Variants in SDCBP2 observed in about 807,000 individuals in gnomAD.
SDCBP2 encodes syntenin-2.
A neutral mutation model predicts 30.7 loss-of-function variants in SDCBP2; 28 were observed. The observed-to-expected ratio is 0.91, with a 90% CI of 0.68 to 1.25. The LOEUF is 1.25. Among genes scored for constraint, SDCBP2 ranks in the 50% most tolerant of loss-of-function variants. SDCBP2 has a pLI of 0.00. For missense variants in SDCBP2, 399 were observed against 379.0 expected, an observed-to-expected ratio of 1.05 and a Z score of -0.44; for synonymous variants, 166 against 157.3, an observed-to-expected ratio of 1.06 and a Z score of -0.41.
chr20:1,313,774 G>T lies in SDCBP2; in HGVS notation c.226-276C>A. The T allele has an allele frequency of 1.4e-6, 1 of 725,910 alleles. No homozygotes were observed. Among genetic ancestry groups the T allele is most frequent in the Non-Finnish European group, 1.9e-6 (1 of 528,740 alleles). The allele number at this position is 725,910 out of a possible 1,614,324, so 45.0% of individuals were successfully genotyped here. A position where few individuals can be genotyped will look rare whatever the true frequency, so the allele number is the denominator to read the frequency against. On this transcript the variant is annotated intron_variant, in intron 4 of 8. Coordinates refer to ENST00000360779, the MANE Select transcript of SDCBP2 (RefSeq NM_080489.5). The surrounding 1 kb of genome is among the most constrained non-coding windows in gnomAD (Gnocchi z 5.2). The stretch of plus-strand genomic sequence containing the variant: ...GCCCTTCATTTCCCAAGGGAAACTG[G>T]CATCAGGAAAAGCCTCCTTTAAAAC...
rs551787665 is a variant in SDCBP2 at position 1,321,686 on chromosome 20, C to A, written c.-19-1251G>T. The A allele has an allele frequency of 6.6e-6, 1 of 152,284 alleles. No individual in the cohort carries two copies. Among genetic ancestry groups the A allele is most frequent in the African/African-American group, 2.4e-5 (1 of 41,446 alleles). The allele number at this position is 152,284 out of a possible 1,614,324, so 9.4% of individuals were successfully genotyped here. A position where few individuals can be genotyped will look rare whatever the true frequency, so the allele number is the denominator to read the frequency against. On this transcript the variant is annotated intron_variant, in intron 1 of 8. Transcript: ENST00000360779. The surrounding 1 kb of genome is among the most constrained non-coding windows in gnomAD (Gnocchi z 5.2). ...GTGGCTTCCCTGCCTTGGGAATGTA[C>A]TCTCCTTAAAGAGGCTCACAGGGCC... is the stretch of plus-strand genomic sequence containing the variant.
At position 1,310,285 on chromosome 20, in the gene SDCBP2, T is replaced by G; in HGVS notation, c.*156A>C. 1.4e-6 allele frequency: 1 copy of G among 696,110 alleles called. No homozygotes were observed. Among genetic ancestry groups the G allele is most frequent in the Non-Finnish European group, 2.5e-6 (1 of 405,556 alleles). The allele number at this position is 696,110 out of a possible 1,614,324, so 43.1% of individuals were successfully genotyped here. On this transcript the variant is annotated 3_prime_UTR_variant, in exon 9 of 9. Transcript: ENST00000360779. Reference sequence around the variant, plus strand: ...CTGAGGCTCCAAGGAGGCCTGTGTGTATAAGCCATCCCATGGTCACCCTCC... The same window carrying G: ...CTGAGGCTCCAAGGAGGCCTGTGTGGATAAGCCATCCCATGGTCACCCTCC...
At chr20:1,312,536 G>A in intron 6 of SDCBP2, 28 bp from the exon 7 acceptor site, 1 of 1,614,054 alleles carries the variant, frequency 6.2e-7, no homozygotes, top group Non-Finnish European at 8.5e-7. Context: ...GAGCTGTCCT[G>A]GGGACATGGC....
At position 1,320,190 on chromosome 20, in the gene SDCBP2, C is replaced by T. The variant is rs907023076; in HGVS notation, c.54+173G>A. ...TTGGTCTTTTCTATTCTTGCTGTAA[C>T]GCCATTGGCATTGCCCCCTGGATGT... On this transcript the variant is annotated intron_variant, in intron 2 of 8. Coordinates refer to ENST00000360779, the MANE Select transcript of SDCBP2 (RefSeq NM_080489.5). The surrounding 1 kb of genome is among the most constrained non-coding windows in gnomAD (Gnocchi z 4.7). Among the ~76,000 whole-genome samples the T allele has an allele frequency of 1.3e-5, 2 of 152,222 alleles. No homozygotes were observed. Among genetic ancestry groups the T allele is most frequent in the African/African-American group, 4.8e-5 (2 of 41,460 alleles).
In SDCBP2 at chr20:1,312,624, C is replaced by G; in HGVS notation, c.523G>C (p.Ala175Pro). The change falls in exon 6 of 9, where the codon GCA (alanine) becomes CCA (proline). Residue 175 changes from alanine (A) to proline (P), a missense_variant. Transcript: ENST00000360779. Reference sequence around the variant, plus strand: ...ACCACGACAATCTTATCGCCTGATGCCTTCTTCACCACCTGATGGGCTTTG... The same window carrying G: ...ACCACGACAATCTTATCGCCTGATGGCTTCTTCACCACCTGATGGGCTTTG... Reference protein sequence around the residue: ...SHKAHQVVKKASGDKIVVVVR... With the variant: ...SHKAHQVVKKPSGDKIVVVVR... 6.2e-7 allele frequency: 1 copy of G among 1,614,146 alleles called. No homozygotes were observed. Among genetic ancestry groups the G allele is most frequent in the South Asian group, 1.1e-5 (1 of 91,080 alleles).
Position 1,313,378 on chromosome 20 carries a change from GCTCGT to G in SDCBP2, c.341_345del (p.Asp114AlafsTer41), listed in dbSNP as rs2088714687. 1.2e-6 allele frequency: 2 copies of G among 1,611,220 alleles called. No homozygotes were observed. The highest frequency in any genetic ancestry group is 1.7e-6 in the Non-Finnish European group (2 of 1,179,492). On this transcript the variant is annotated frameshift_variant, in exon 5 of 9. Transcript: ENST00000360779. LOFTEE classifies it high-confidence loss of function. The surrounding 1 kb of genome is among the most constrained non-coding windows in gnomAD (Gnocchi z 5.2). ...CGCAGCCTCAGCCCGGTCTTGCCGC[GCTCGT>G]CCTTGCACAGGTGGATCTCGCGCAC...
chr20:1,312,491 A>T lies in SDCBP2; in HGVS notation c.578T>A (p.Val193Asp). The T allele has an allele frequency of 6.2e-7, 1 of 1,614,072 alleles. No homozygotes were observed. ...VVRDRPFQRTVTMHKDSMGHV... is the reference protein window; with the variant it reads ...VVRDRPFQRTDTMHKDSMGHV... ...GCCCATGCTGTCCTTGTGCATGGTG[A>T]CAGTCCGCTGGAACGGCCTGGCAGG... Residue 193 changes from valine (V) to aspartate (D), a missense_variant, in exon 7 of 9, where the codon GTC (valine) becomes GAC (aspartate). Coordinates refer to ENST00000360779, the MANE Select transcript of SDCBP2 (RefSeq NM_080489.5).
intron 4 of SDCBP2, among the ~76,000 whole-genome samples, chr20:1,314,488 CAAAAAAAAAAAA>C (rs57936330): frequency 1.5e-4 from 8 of 53,952 alleles, no homozygotes; most frequent in African/African-American, 7.0e-4. Flanking sequence ...GACTCCACCT[CAAAAAAAAAAAA>C]AAAAAAAAAA....
chr20:1,311,900 C>CTT (rs11471529), intron 7 of SDCBP2, among the ~76,000 whole-genome samples: 16,934 of 120,772 alleles, frequency 0.14, 1,647 homozygotes, highest in Middle Eastern at 0.28. Flanking sequence ...GGTACACTGT[C>CTT]TTTTTTTTTT....
intron 3 of SDCBP2, 76 bp downstream of exon 3, chr20:1,319,514 C>T (rs2088824363): frequency 6.9e-7 from 1 of 1,439,366 alleles, no homozygotes; most frequent in Non-Finnish European, 9.6e-7. Flanking sequence ...ATACCTTTGG[C>T]ATTGCCAAGC....
intron 7 of SDCBP2, among the ~76,000 whole-genome samples, chr20:1,311,591 C>T (rs745590799): frequency 2.6e-5 from 4 of 152,058 alleles, no homozygotes; most frequent in Non-Finnish European, 4.4e-5. Context: ...CTTGGTTGTT[C>T]GAAAATAAAT....
Position 1,313,515 on chromosome 20 carries a change from G to A in SDCBP2, c.226-17C>T, listed in dbSNP as rs772836470. The A allele has an allele frequency of 1.3e-6, 2 of 1,568,854 alleles. No individual in the cohort carries two copies. Among genetic ancestry groups the A allele is most frequent in the South Asian group, 1.2e-5 (1 of 86,662 alleles). ...GACCGCTGTCTGCAGACACCAGGGGGCAGGGGGTCAGCCCGGCCCGTGGGG... is the reference window on the plus strand; with the variant it reads ...GACCGCTGTCTGCAGACACCAGGGGACAGGGGGTCAGCCCGGCCCGTGGGG... On this transcript the variant is annotated splice_polypyrimidine_tract_variant and intron_variant, in intron 4 of 8. Transcript: ENST00000360779. This position sits in a 1 kb window ranked among gnomAD's most constrained non-coding sequence, Gnocchi z 5.2.
In SDCBP2 at chr20:1,310,278, C is replaced by T; in HGVS notation, c.*163G>A. 1.6e-6 allele frequency: 1 copy of T among 625,190 alleles called. No homozygotes were observed. The allele number at this position is 625,190 out of a possible 1,614,324, so 38.7% of individuals were successfully genotyped here. A position where few individuals can be genotyped will look rare whatever the true frequency, so the allele number is the denominator to read the frequency against. On this transcript the variant is annotated 3_prime_UTR_variant, in exon 9 of 9. Coordinates refer to ENST00000360779, the MANE Select transcript of SDCBP2 (RefSeq NM_080489.5). ...TTGGAGTCTGAGGCTCCAAGGAGGC[C>T]TGTGTGTATAAGCCATCCCATGGTC...
Position 1,321,826 on chromosome 20 carries a change from C to T in SDCBP2, c.-19-1391G>A, listed in dbSNP as rs2088853985. On this transcript the variant is annotated intron_variant, in intron 1 of 8. Transcript: ENST00000360779. This position sits in a 1 kb window ranked among gnomAD's most constrained non-coding sequence, Gnocchi z 5.2. ...AGATTAGCAGCTTAAACACAAAGCT[C>T]AAGGTACTGGATTTAATAATCGAAT... 6.6e-6 allele frequency: 1 copy of T among 152,190 alleles called. No homozygotes were observed. Among genetic ancestry groups the T allele is most frequent in the African/African-American group, 2.4e-5 (1 of 41,444 alleles). 9.4% of individuals were successfully genotyped at this position (152,190 alleles called of 1,614,324 possible). A position where few individuals can be genotyped will look rare whatever the true frequency, so the allele number is the denominator to read the frequency against.
At chr20:1,327,727 C>G in intron 1 of SDCBP2, among the ~76,000 whole-genome samples, 1 of 152,212 alleles carries the variant, frequency 6.6e-6, no homozygotes, top group East Asian at 1.9e-4. Flanking sequence ...TGTCTGGAGA[C>G]TGAAAGATTT....
At chr20:1,315,730 C>A (rs2088767162) in intron 4 of SDCBP2, among the ~76,000 whole-genome samples, 1 of 152,006 alleles carries the variant, frequency 6.6e-6, no homozygotes, top group African/African-American at 2.4e-5. Flanking sequence ...GTAAATATTT[C>A]TTTACAAAGT....
rs745654093 is a variant in SDCBP2, at chr20:1,312,430, G to A, written c.639C>T (p.Val213=). The change falls in exon 7 of 9, where the codon GTC becomes GTT. Residue 213 remains valine (V), a synonymous_variant. Transcript: ENST00000360779. ...CCGCAGAACTCCCTTTGACCAGAGA[G>A]ACAATCTTCCCCTTCTTGATCACGA... The part of the protein sequence containing the change: ...VGFVIKKGKI[V]SLVKGSSAAR... The A allele has an allele frequency of 9.9e-6, 16 of 1,614,072 alleles. No individual in the cohort carries two copies. Among genetic ancestry groups the A allele is most frequent in the Non-Finnish European group, 1.2e-5 (14 of 1,179,978 alleles).
intron 2 of SDCBP2, 119 bp from the exon 3 acceptor site, chr20:1,319,778 G>A: frequency 1.3e-6 from 1 of 780,370 alleles, no homozygotes; most frequent in Non-Finnish European, 2.0e-6. Flanking sequence ...GGGGTGTGGG[G>A]GGAGTGTGCA....
chr20:1,316,407 T>C (rs1000485224), intron 4 of SDCBP2, among the ~76,000 whole-genome samples: 2 of 152,222 alleles, frequency 1.3e-5, no homozygotes, highest in African/African-American at 2.4e-5. Flanking sequence ...AGTTTCTTTT[T>C]GAGACAGGGT....
Sources: gnomAD v4.1 joint callset for allele counts (sites outside exome capture counted in the v4.1 genomes callset) on GRCh38, gnomAD v4.1.1 for gene constraint, Gnocchi (gnomAD v3.1) non-coding constraint, MANE v1.5 for transcripts, NCBI Gene and HGNC (gene_info 2026-07-23, HGNC 2026-07-21) for gene names.